Variants in NUGGC observed in about 807,000 individuals in gnomAD.
The protein encoded by NUGGC is nuclear GTPase SLIP-GC.
NUGGC carries 58 observed loss-of-function variants against 92.6 expected under a neutral mutation model. The observed-to-expected ratio is 0.63, with a 90% CI of 0.51 to 0.78. The LOEUF is 0.78. Among genes scored for constraint, NUGGC ranks in the 30% least tolerant of loss-of-function variants. The pLI, the probability that NUGGC is intolerant of heterozygous loss-of-function variation, is 0.00. For missense variants in NUGGC, 925 were observed against 964.6 expected, an observed-to-expected ratio of 0.96 and a Z score of 0.54; for synonymous variants, 376 against 366.4, an observed-to-expected ratio of 1.03 and a Z score of -0.30.
At chr8:28,051,924 C>T (rs1202589343) in intron 10 of NUGGC, among the ~76,000 whole-genome samples, 2 of 149,838 alleles carry the variant, frequency 1.3e-5, no homozygotes, top group Admixed American at 1.3e-4. Context: ...CAAAACAAAA[C>T]AAAACAAAAC....
intron 7 of NUGGC, among the ~76,000 whole-genome samples, chr8:28,063,248 G>A (rs1810351897): frequency 6.6e-6 from 1 of 152,208 alleles, no homozygotes; most frequent in South Asian, 2.1e-4. Flanking sequence ...GCAGAGCACG[G>A]TGGGAACCAT....
intron 10 of NUGGC, among the ~76,000 whole-genome samples, chr8:28,054,790 G>A (rs1043154997): frequency 6.6e-6 from 1 of 152,168 alleles, no homozygotes; most frequent in Non-Finnish European, 1.5e-5. Flanking sequence ...TTGCCGAGCT[G>A]TAGTCCCAGC....
chr8:28,078,025 T>C (rs1585607983), intron 1 of NUGGC, among the ~76,000 whole-genome samples: 2 of 152,364 alleles, frequency 1.3e-5, no homozygotes, highest in Middle Eastern at 6.8e-3. Flanking sequence ...CTTCATTTAC[T>C]AAATCAACAG....
At chr8:28,048,301 G>A (rs372805128) in intron 10 of NUGGC, among the ~76,000 whole-genome samples, 2 of 152,166 alleles carry the variant, frequency 1.3e-5, no homozygotes, top group African/African-American at 4.8e-5. Flanking sequence ...GTTATGGGCT[G>A]AAATGTATCC....
intron 7 of NUGGC, among the ~76,000 whole-genome samples, chr8:28,063,862 C>A (rs1459031982): frequency 6.6e-6 from 1 of 152,194 alleles, no homozygotes; most frequent in Non-Finnish European, 1.5e-5. Flanking sequence ...CCCCTTCCAG[C>A]TCCTGGGCTC....
At position 28,023,466 on chromosome 8, in the gene NUGGC, C is replaced by A; in HGVS notation, c.2246-4G>T. On this transcript the variant is annotated splice_region_variant and splice_polypyrimidine_tract_variant and intron_variant, in intron 18 of 18. Coordinates refer to ENST00000413272, the MANE Select transcript of NUGGC (RefSeq NM_001010906.2). Reference sequence around the variant, plus strand: ...TCCTTGTATTCACTCCCGACATCTACAGGAGAGCAGAAAGCTCACATCAGG... The same window carrying A: ...TCCTTGTATTCACTCCCGACATCTAAAGGAGAGCAGAAAGCTCACATCAGG... 1.2e-6 allele frequency: 2 copies of A among 1,611,194 alleles called. No homozygotes were observed. The highest frequency in any genetic ancestry group is 1.7e-6 in the Non-Finnish European group (2 of 1,178,500).
Position 28,023,410 on chromosome 8 carries a change from C to T in NUGGC, c.2298G>A (p.Glu766=). ...TCCTCAGCCGTGCATTCTCCGCGAC[C>T]TCCCTCAGGCTTCTGTGCAGCTTCT... The part of the protein sequence containing the change: ...EMEKLHRSLR[E]VAENARLRKG... Residue 766 remains glutamate, a synonymous_variant, in exon 19 of 19, where the codon GAG becomes GAA. Transcript: ENST00000413272. 1 of 1,613,964 alleles carries T rather than the reference C, an allele frequency of 6.2e-7. No individual in the cohort carries two copies. The highest frequency in any genetic ancestry group is 8.5e-7 in the Non-Finnish European group (1 of 1,179,870).
At chr8:28,078,815 T>C (rs570790508) in intron 1 of NUGGC, among the ~76,000 whole-genome samples, 52 of 152,342 alleles carry the variant, frequency 3.4e-4, no homozygotes, top group African/African-American at 1.2e-3. Context: ...TCCTGCAGTC[T>C]ATTTCCCCCC....
chr8:28,041,086 T>C lies in NUGGC; in HGVS notation c.1576A>G (p.Thr526Ala). 1 of 1,606,350 alleles carries C rather than the reference T, an allele frequency of 6.2e-7. No individual in the cohort carries two copies. Among genetic ancestry groups the C allele is most frequent in the Non-Finnish European group, 8.5e-7 (1 of 1,176,626 alleles). ...PLQEGVRTARTSYRCILRACL... is the reference protein window; with the variant it reads ...PLQEGVRTARASYRCILRACL... ...GCTCTGAGGATGCAGCGGTAAGAAG[T>C]CCTGGCGGTCCTGACCCCTTCTTGC... The change falls in exon 13 of 19, where the codon ACT becomes GCT. Residue 526 changes from threonine to alanine, a missense_variant. Thr to Ala is a moderately conservative substitution (Grantham distance 58). Coordinates refer to ENST00000413272, the MANE Select transcript of NUGGC (RefSeq NM_001010906.2).
intron 2 of NUGGC, among the ~76,000 whole-genome samples, chr8:28,071,619 T>C (rs1810592401): frequency 6.6e-6 from 1 of 152,192 alleles, no homozygotes; most frequent in Non-Finnish European, 1.5e-5. Context: ...CAGTTTCCCT[T>C]GGTTATGAAG....
At chr8:28,024,711 G>A (rs1157294266) in intron 18 of NUGGC, among the ~76,000 whole-genome samples, 1 of 152,116 alleles carries the variant, frequency 6.6e-6, no homozygotes, top group Non-Finnish European at 1.5e-5. Flanking sequence ...ATGAGCAGAG[G>A]GGAGTTAGGA....
chr8:28,047,348 G>T (rs530617406), intron 11 of NUGGC, among the ~76,000 whole-genome samples, 159 bp downstream of exon 11: 1 of 152,264 alleles, frequency 6.6e-6, no homozygotes, highest in South Asian at 2.1e-4. Context: ...CCACAACAAT[G>T]CAGAGAGGAA....
chr8:28,022,157 C>CTTTTTTTTTT lies in NUGGC; in HGVS notation c.*1150_*1159dup, dbSNP rs35977212. 3 of 95,948 alleles carry CTTTTTTTTTT rather than the reference C, an allele frequency of 3.1e-5. No individual in the cohort carries two copies. The highest frequency in any genetic ancestry group is 2.6e-4 in the East Asian group (1 of 3,850). 5.9% of individuals were successfully genotyped at this position (95,948 alleles called of 1,614,324 possible). ...TATATATATATATTTTTTTCTTTTT[C>CTTTTTTTTTT]TTTTTTTTTTTTTTTTTTTGAGACA... On this transcript the variant is annotated 3_prime_UTR_variant, in exon 19 of 19. Coordinates refer to ENST00000413272, the MANE Select transcript of NUGGC (RefSeq NM_001010906.2).
At chr8:28,060,395 A>C in intron 8 of NUGGC, 31 bp downstream of exon 8, 1 of 1,609,604 alleles carries the variant, frequency 6.2e-7, no homozygotes, top group Non-Finnish European at 8.5e-7. Flanking sequence ...CCCTGACTGG[A>C]GCCCACATCC....
chr8:28,032,893 C>T (rs1585556489), intron 14 of NUGGC, among the ~76,000 whole-genome samples: 1 of 152,154 alleles, frequency 6.6e-6, no homozygotes, highest in African/African-American at 2.4e-5. Flanking sequence ...GGTGTGGTGG[C>T]TCACACCAGT....
intron 11 of NUGGC, among the ~76,000 whole-genome samples, chr8:28,045,998 A>G (rs1389498239): frequency 1.3e-5 from 2 of 152,174 alleles, no homozygotes; most frequent in African/African-American, 2.4e-5. Context: ...GGAATTCTAG[A>G]GTCCCAGCCC....
chr8:28,070,382 G>T (rs764406421), intron 2 of NUGGC, 26 bp from the exon 3 acceptor site: 17 of 1,219,014 alleles, frequency 1.4e-5, no homozygotes, highest in Non-Finnish European at 2.0e-5. Flanking sequence ...GGATATATAA[G>T]ATTATAGGTG....
chr8:28,040,932 G>A (rs542947286), intron 13 of NUGGC, 119 bp downstream of exon 13: 82 of 999,560 alleles, frequency 8.2e-5, no homozygotes, highest in South Asian at 5.7e-4. Context: ...GGCATGAGCC[G>A]CCATGCCCGG....
intron 1 of NUGGC, among the ~76,000 whole-genome samples, chr8:28,075,565 T>G (rs747588890): frequency 2.0e-5 from 3 of 152,210 alleles, no homozygotes; most frequent in African/African-American, 4.8e-5. Flanking sequence ...TGTTTCTGTT[T>G]GGATCACTCA....
Sources: gnomAD v4.1 joint callset for allele counts (sites outside exome capture counted in the v4.1 genomes callset) on GRCh38, gnomAD v4.1.1 for gene constraint, MANE v1.5 for transcripts, NCBI Gene and HGNC (gene_info 2026-07-23, HGNC 2026-07-21) for gene names.